Variants in MAP2K1 observed in about 807,000 individuals in gnomAD.
MAP2K1 encodes the protein mitogen-activated protein kinase kinase 1.
MAP2K1 carries 16 observed loss-of-function variants against 46.3 expected under a neutral mutation model. The observed-to-expected ratio is 0.35, with a 90% confidence interval of 0.23 to 0.52. MAP2K1 has a LOEUF of 0.52. Ranked by LOEUF, MAP2K1 falls within the 20% of genes least tolerant of loss-of-function variation. The probability of loss-of-function intolerance (pLI) is 0.94; values close to 1 mark genes in which losing one functional copy is unlikely to be tolerated. For synonymous variants in MAP2K1, 183 were observed against 185.6 expected, an observed-to-expected ratio of 0.99 and a Z score of 0.11; for missense variants, 263 against 497.1, an observed-to-expected ratio of 0.53 and a Z score of 4.48.
At chr15:66,428,896 C>T (rs1302597775) in intron 1 of MAP2K1, among the ~76,000 whole-genome samples, 3 of 149,972 alleles carry the variant, frequency 2.0e-5, no homozygotes, top group Non-Finnish European at 4.4e-5. Context: ...TCTCTCACCT[C>T]AGCCTCCTGA....
chr15:66,401,809 A>C, intron 1 of MAP2K1: 1 of 526,470 alleles, frequency 1.9e-6, no homozygotes, highest in Non-Finnish European at 3.7e-6. Context: ...TTCCATGGGA[A>C]TGGAGGGGCG....
intron 1 of MAP2K1, among the ~76,000 whole-genome samples, chr15:66,396,533 G>A (rs2093368045): frequency 6.6e-6 from 1 of 151,904 alleles, no homozygotes; most frequent in African/African-American, 2.4e-5. Context: ...GCCCCACAAG[G>A]TGCTGGGATT....
chr15:66,430,123 G>A (rs967971809), intron 1 of MAP2K1, among the ~76,000 whole-genome samples: 1 of 152,178 alleles, frequency 6.6e-6, no homozygotes, highest in Non-Finnish European at 1.5e-5. Flanking sequence ...TGTGGATCAA[G>A]GGATTGTATG....
At chr15:66,452,239 T>G (rs975667989) in intron 5 of MAP2K1, among the ~76,000 whole-genome samples, 4 of 127,918 alleles carry the variant, frequency 3.1e-5, no homozygotes, top group Middle Eastern at 4.9e-3. Flanking sequence ...TATACATATG[T>G]AACTAACCTG....
chr15:66,468,445 G>A (rs1004912140), intron 5 of MAP2K1, among the ~76,000 whole-genome samples: 5 of 152,150 alleles, frequency 3.3e-5, no homozygotes, highest in African/African-American at 1.2e-4. Context: ...AAGTCTGGTG[G>A]TGCTAGAGGA....
At chr15:66,414,796 T>C (rs11633875) in intron 1 of MAP2K1, 21,154 of 219,534 alleles carry the variant, frequency 0.096, 1,256 homozygotes, top group Non-Finnish European at 0.13. Context: ...TTTTTTTTTT[T>C]CCCCCAGTCA....
intron 1 of MAP2K1, among the ~76,000 whole-genome samples, chr15:66,398,005 G>T (rs1324974650): frequency 3.3e-5 from 5 of 152,102 alleles, no homozygotes; most frequent in Admixed American, 3.3e-4. Flanking sequence ...GGGAGGCTGA[G>T]GTGGGAGAAT....
chr15:66,442,494 A>T (rs1471155009), intron 3 of MAP2K1, among the ~76,000 whole-genome samples: 2 of 152,134 alleles, frequency 1.3e-5, no homozygotes, highest in African/African-American at 2.4e-5. Flanking sequence ...AAGTGAAGTC[A>T]GAATTACTTC....
At chr15:66,445,870 C>CT (rs956191523) in intron 5 of MAP2K1, among the ~76,000 whole-genome samples, 151 of 143,910 alleles carry the variant, frequency 1.0e-3, no homozygotes, top group Middle Eastern at 3.6e-3. Flanking sequence ...AATGTTACAT[C>CT]TTTTTTTTTT....
chr15:66,445,260 C>T (rs952496640), intron 5 of MAP2K1, among the ~76,000 whole-genome samples: 3 of 151,954 alleles, frequency 2.0e-5, no homozygotes, highest in African/African-American at 4.8e-5. Context: ...GCCATGGTGG[C>T]GAGCACCTGT....
intron 1 of MAP2K1, among the ~76,000 whole-genome samples, chr15:66,395,388 C>T (rs1392330578): frequency 6.6e-6 from 1 of 152,166 alleles, no homozygotes; most frequent in African/African-American, 2.4e-5. Context: ...GCTGTTGGCC[C>T]TGCCTTGCCT....
At chr15:66,416,259 ATTG>A (rs147980810) in intron 1 of MAP2K1, among the ~76,000 whole-genome samples, 3,105 of 151,518 alleles carry the variant, frequency 0.02, 42 homozygotes, top group African/African-American at 0.044. Flanking sequence ...TACCCTGTAG[ATTG>A]TTGTTACACT....
intron 3 of MAP2K1, among the ~76,000 whole-genome samples, chr15:66,440,445 C>T (rs1469991290): frequency 6.6e-6 from 1 of 152,210 alleles, no homozygotes; most frequent in Non-Finnish European, 1.5e-5. Flanking sequence ...TGAGCCCTGT[C>T]TTCTAAAGCA....
chr15:66,436,799 G>T lies in MAP2K1; in HGVS notation c.345G>T (p.Leu115=), dbSNP rs2140583667. 1 of 1,614,198 alleles carries T rather than the reference G, an allele frequency of 6.2e-7. No individual in the cohort carries two copies. The highest frequency in any genetic ancestry group is 1.1e-5 in the South Asian group (1 of 91,090). ...TCCGGAACCAGATCATAAGGGAGCT[G>T]CAGGTTCTGCATGAGTGCAACTCTC... ...PAIRNQIIRE[L]QVLHECNSPY... The change falls in exon 3 of 11, where the codon CTG becomes CTT. Residue 115 remains leucine, a synonymous_variant. Transcript: ENST00000307102.
At chr15:66,483,440 C>T (rs151087023) in intron 6 of MAP2K1, among the ~76,000 whole-genome samples, 1 of 152,314 alleles carries the variant, frequency 6.6e-6, no homozygotes, top group Non-Finnish European at 1.5e-5. Context: ...AATCCATTAA[C>T]AGGCCCTGGG....
chr15:66,420,167 C>T (rs138555290), intron 1 of MAP2K1, among the ~76,000 whole-genome samples: 3,961 of 152,138 alleles, frequency 0.026, 81 homozygotes, highest in Middle Eastern at 0.044. Context: ...TCACTTGAAC[C>T]GGGGAGGCGG....
chr15:66,490,404 A>G, intron 10 of MAP2K1, 98 bp from the exon 11 acceptor site: 4 of 908,304 alleles, frequency 4.4e-6, no homozygotes, highest in Non-Finnish European at 7.4e-6. Flanking sequence ...CAAGTGCAGC[A>G]CAAGCTCTAG....
At position 66,411,802 on chromosome 15, in the gene MAP2K1, G is replaced by A. The variant is rs532913718; in HGVS notation, c.81-23225G>A. Among the ~76,000 whole-genome samples, 3 of 152,310 alleles carry A rather than the reference G, an allele frequency of 2.0e-5. No individual in the cohort carries two copies. In the South Asian group the frequency reaches 6.2e-4, roughly 32 times the overall value. ...TATATTAGAAAAGTGTCTCTTTAAT[G>A]TGTTTACCTATTTATCCATTTTAAA... On this transcript the variant is annotated intron_variant, in intron 1 of 10. Transcript: ENST00000307102.
intron 1 of MAP2K1, among the ~76,000 whole-genome samples, chr15:66,404,384 G>A (rs187744697): frequency 6.6e-6 from 1 of 152,160 alleles, no homozygotes; most frequent in East Asian, 1.9e-4. Flanking sequence ...CAAAAACAGT[G>A]GAATATTGGG....
Sources: allele counts gnomAD v4.1 joint callset (sites outside exome capture counted in the v4.1 genomes callset), GRCh38; gene constraint gnomAD v4.1.1; transcripts MANE v1.5; gene names NCBI Gene and HGNC (gene_info 2026-07-23, HGNC 2026-07-21).